Variants in CACNA2D1 observed in about 807,000 individuals in gnomAD.
CACNA2D1 encodes voltage-dependent calcium channel subunit alpha-2/delta-1.
Under a neutral mutation model 171.5 loss-of-function variants are expected in CACNA2D1, and 53 were observed. That is an observed-to-expected ratio of 0.31 (90% CI 0.25 to 0.39). CACNA2D1 has a LOEUF of 0.39. CACNA2D1 is among the 10% of genes least tolerant of loss of function. CACNA2D1 has a pLI of 1.00. For synonymous variants in CACNA2D1, 442 were observed against 443.1 expected, an observed-to-expected ratio of 1.00 and a Z score of 0.03; for missense variants, 903 against 1,299.8, an observed-to-expected ratio of 0.69 and a Z score of 4.69.
chr7:82,299,059 T>C (rs1812653074), intron 3 of CACNA2D1, among the ~76,000 whole-genome samples: 1 of 64,142 alleles, frequency 1.6e-5, no homozygotes, highest in African/African-American at 1.3e-4. Flanking sequence ...CGAGACTCTG[T>C]CAAAAAAAAA....
chr7:82,401,495 G>A (rs1022403355), intron 1 of CACNA2D1, among the ~76,000 whole-genome samples: 1 of 147,854 alleles, frequency 6.8e-6, no homozygotes, highest in African/African-American at 2.5e-5. Context: ...TCATAGGTGG[G>A]AATTGAACAA....
chr7:82,262,156 C>T (rs1185872264), intron 3 of CACNA2D1, among the ~76,000 whole-genome samples: 1 of 152,130 alleles, frequency 6.6e-6, no homozygotes, highest in East Asian at 1.9e-4. Context: ...ACGGTGAAAC[C>T]CCGTCTCTAC....
chr7:82,015,598 T>C (rs1800352374), intron 12 of CACNA2D1, among the ~76,000 whole-genome samples: 1 of 152,172 alleles, frequency 6.6e-6, no homozygotes, highest in South Asian at 2.1e-4. Context: ...GTAATCTAAG[T>C]AAACCCATAC....
chr7:82,302,751 A>T (rs574750800), intron 3 of CACNA2D1, among the ~76,000 whole-genome samples: 12 of 152,252 alleles, frequency 7.9e-5, no homozygotes, highest in Admixed American at 3.3e-4. Flanking sequence ...TTATTCAAGC[A>T]ATAATCCTGA....
chr7:82,092,196 T>C (rs552636739), intron 6 of CACNA2D1, among the ~76,000 whole-genome samples: 12 of 152,324 alleles, frequency 7.9e-5, no homozygotes. Flanking sequence ...ATATTCCTTC[T>C]GCTTAATCTC....
chr7:82,048,397 T>G (rs1210845469), intron 10 of CACNA2D1, among the ~76,000 whole-genome samples: 2 of 152,180 alleles, frequency 1.3e-5, no homozygotes, highest in Non-Finnish European at 2.9e-5. Context: ...GAATTAGTTG[T>G]AGAAAAAATT....
At chr7:81,967,248 T>G in intron 30 of CACNA2D1, 41 bp from the exon 31 acceptor site, 1 of 1,532,348 alleles carries the variant, frequency 6.5e-7, no homozygotes, top group Non-Finnish European at 9.0e-7. Context: ...CTTTTAAAAG[T>G]TGGATTTTAA....
At chr7:82,426,138 T>A (rs919138506) in intron 1 of CACNA2D1, among the ~76,000 whole-genome samples, 6 of 129,012 alleles carry the variant, frequency 4.7e-5, no homozygotes, top group East Asian at 2.4e-4. Context: ...TTCAAAAATA[T>A]ATAAATAAAT....
intron 3 of CACNA2D1, among the ~76,000 whole-genome samples, chr7:82,180,403 C>A (rs190915062): frequency 2.0e-5 from 3 of 152,216 alleles, no homozygotes; most frequent in East Asian, 1.9e-4. Context: ...ACAAAGCTCA[C>A]GCTACCTACT....
chr7:82,139,181 T>C (rs1431924948), intron 4 of CACNA2D1, among the ~76,000 whole-genome samples: 1 of 152,192 alleles, frequency 6.6e-6, no homozygotes, highest in Non-Finnish European at 1.5e-5. Context: ...TAAAACAACA[T>C]ATGTATGTAG....
intron 3 of CACNA2D1, among the ~76,000 whole-genome samples, chr7:82,230,049 A>G (rs1802762201): frequency 6.6e-6 from 1 of 152,214 alleles, no homozygotes; most frequent in Non-Finnish European, 1.5e-5. Flanking sequence ...GTTGGAGTAT[A>G]ATATCCAGAA....
chr7:82,207,870 A>G (rs1299139913), intron 3 of CACNA2D1, among the ~76,000 whole-genome samples: 1 of 152,224 alleles, frequency 6.6e-6, no homozygotes, highest in Non-Finnish European at 1.5e-5. Flanking sequence ...CTAAACACAT[A>G]TATATTGAAA....
At chr7:82,100,323 T>C (rs944853125) in intron 6 of CACNA2D1, among the ~76,000 whole-genome samples, 5 of 152,284 alleles carry the variant, frequency 3.3e-5, no homozygotes, top group Non-Finnish European at 7.4e-5. Context: ...AAATGTCTTA[T>C]TATTTCATAT....
intron 7 of CACNA2D1, among the ~76,000 whole-genome samples, chr7:82,079,440 C>G (rs1397411349): frequency 6.6e-6 from 1 of 151,972 alleles, no homozygotes; most frequent in Non-Finnish European, 1.5e-5. Context: ...ACCTGTAATC[C>G]CAGCACTTTG....
At chr7:82,400,355 G>C (rs551891381) in intron 1 of CACNA2D1, among the ~76,000 whole-genome samples, 2 of 151,850 alleles carry the variant, frequency 1.3e-5, no homozygotes, top group African/African-American at 2.4e-5. Flanking sequence ...TCTTCCATTT[G>C]TTTGTATCCT....
chr7:82,274,552 C>T (rs929404396), intron 3 of CACNA2D1, among the ~76,000 whole-genome samples: 5 of 152,046 alleles, frequency 3.3e-5, no homozygotes, highest in African/African-American at 7.2e-5. Flanking sequence ...TTATAGACAC[C>T]GCACACTCTA....
At chr7:82,310,212 G>A (rs1326535516) in intron 3 of CACNA2D1, among the ~76,000 whole-genome samples, 1 of 151,552 alleles carries the variant, frequency 6.6e-6, no homozygotes, top group Non-Finnish European at 1.5e-5. Context: ...AGAAATTAAG[G>A]TTACTAAGAG....
At chr7:82,184,209 G>A in intron 3 of CACNA2D1, among the ~76,000 whole-genome samples, 1 of 147,350 alleles carries the variant, frequency 6.8e-6, no homozygotes, top group Non-Finnish European at 1.5e-5. Flanking sequence ...GAGGGGGATG[G>A]ATGTATCACA....
intron 3 of CACNA2D1, among the ~76,000 whole-genome samples, chr7:82,269,386 C>T (rs1207159182): frequency 6.6e-6 from 1 of 152,178 alleles, no homozygotes; most frequent in Non-Finnish European, 1.5e-5. Flanking sequence ...AGATGCTATA[C>T]AAGACCCTTC....
Sources: gnomAD v4.1 joint callset for allele counts (sites outside exome capture counted in the v4.1 genomes callset) on GRCh38, gnomAD v4.1.1 for gene constraint, MANE v1.5 for transcripts, NCBI Gene and HGNC (gene_info 2026-07-23, HGNC 2026-07-21) for gene names.